Variants in ADAMTS17 observed in about 807,000 individuals in gnomAD.
ADAMTS17 encodes A disintegrin and metalloproteinase with thrombospondin motifs 17.
ADAMTS17 carries 113 observed loss-of-function variants against 141.5 expected under a neutral mutation model. The ratio of observed to expected loss-of-function variants is 0.80; its 90% CI spans 0.69 to 0.93. ADAMTS17 has a LOEUF of 0.93. ADAMTS17 is among the 40% of genes least tolerant of loss of function. ADAMTS17 has a pLI of 0.00. For synonymous variants in ADAMTS17, 768 were observed against 630.6 expected, an observed-to-expected ratio of 1.22 and a Z score of -3.27; for missense variants, 1,659 against 1,517.9, an observed-to-expected ratio of 1.09 and a Z score of -1.54.
At chr15:99,994,030 C>T (rs570547332) in intron 19 of ADAMTS17, among the ~76,000 whole-genome samples, 8 of 152,214 alleles carry the variant, frequency 5.3e-5, no homozygotes, top group East Asian at 1.9e-4. Flanking sequence ...GCTCCTGACA[C>T]GCCCACCACA....
At chr15:99,983,564 C>T (rs573245615) in intron 20 of ADAMTS17, among the ~76,000 whole-genome samples, 13 of 152,264 alleles carry the variant, frequency 8.5e-5, no homozygotes, top group African/African-American at 1.4e-4. Context: ...TGAGAATTAG[C>T]GAGAGGAGGC....
rs542496929 is a variant in ADAMTS17, at chr15:100,321,351, A to T, written c.616+9538T>A. 3.5e-4 allele frequency among the ~76,000 whole-genome samples: 54 copies of T among 152,330 alleles called. No individual in the cohort carries two copies. The South Asian group carries it at 0.011, about 30-fold the overall frequency. ...TAAACAGATAAAATAAATAAAATGA[A>T]TTCTAGCAATACTAGAAACATGAAA... On this transcript the variant is annotated intron_variant, in intron 3 of 21. Transcript: ENST00000268070.
intron 18 of ADAMTS17, among the ~76,000 whole-genome samples, chr15:100,033,713 A>C (rs925145262): frequency 2.6e-5 from 4 of 152,218 alleles, no homozygotes; most frequent in African/African-American, 9.6e-5. Context: ...TTTGGAGTGG[A>C]TACAGGAGCT....
chr15:100,042,151 G>C (rs934406935), intron 18 of ADAMTS17, among the ~76,000 whole-genome samples: 7 of 152,114 alleles, frequency 4.6e-5, no homozygotes, highest in African/African-American at 1.4e-4. Flanking sequence ...GTTTTTACTT[G>C]TGTGTCCAAT....
intron 7 of ADAMTS17, among the ~76,000 whole-genome samples, chr15:100,218,599 G>A (rs946892893): frequency 7.9e-5 from 12 of 152,154 alleles, no homozygotes; most frequent in African/African-American, 2.9e-4. Context: ...AGAGAAAACA[G>A]AATCTTCCTA....
In ADAMTS17 at chr15:100,096,452, C is replaced by G; in HGVS notation, c.2041G>C (p.Gly681Arg). The change falls in exon 15 of 22, where the codon GGG becomes CGG. Residue 681 changes from glycine to arginine, a missense_variant. Coordinates refer to ENST00000268070, the MANE Select transcript of ADAMTS17 (RefSeq NM_139057.4). ...CQKIGCDGII[G>R]SAAKEDRCGV... ...CATCTGTCCTCTTTGGCTGCAGACCCGATGATGCCGTCACAGCCGATTTTC... is the reference window on the plus strand; with the variant it reads ...CATCTGTCCTCTTTGGCTGCAGACCGGATGATGCCGTCACAGCCGATTTTC... 6.2e-7 allele frequency: 1 copy of G among 1,614,096 alleles called. No individual in the cohort carries two copies. The highest frequency in any genetic ancestry group is 8.5e-7 in the Non-Finnish European group (1 of 1,180,032).
chr15:100,239,847 G>A (rs937077657), intron 7 of ADAMTS17, among the ~76,000 whole-genome samples: 1 of 152,158 alleles, frequency 6.6e-6, no homozygotes, highest in Non-Finnish European at 1.5e-5. Context: ...CTGGAGTGGA[G>A]GGATGGTGAG....
At chr15:100,010,093 A>G (rs1413470607) in intron 18 of ADAMTS17, among the ~76,000 whole-genome samples, 2 of 152,230 alleles carry the variant, frequency 1.3e-5, no homozygotes, top group Non-Finnish European at 2.9e-5. Flanking sequence ...TCCCCGGCAC[A>G]TGCCTTCTTG....
At chr15:100,092,945 G>A (rs2035556898) in intron 15 of ADAMTS17, among the ~76,000 whole-genome samples, 1 of 152,128 alleles carries the variant, frequency 6.6e-6, no homozygotes, top group Non-Finnish European at 1.5e-5. Flanking sequence ...TTGTTAAAAT[G>A]GCAATTTAAT....
intron 8 of ADAMTS17, among the ~76,000 whole-genome samples, chr15:100,188,042 C>T (rs1002536863): frequency 7.2e-5 from 11 of 152,048 alleles, no homozygotes; most frequent in African/African-American, 2.7e-4. Flanking sequence ...TGCGATCACA[C>T]CACTGCATTC....
At chr15:100,271,354 A>C (rs2043903935) in intron 4 of ADAMTS17, among the ~76,000 whole-genome samples, 1 of 152,142 alleles carries the variant, frequency 6.6e-6, no homozygotes, top group Non-Finnish European at 1.5e-5. Context: ...TAATGTACAA[A>C]ATTTCCCATT....
At chr15:100,268,030 T>C (rs942199625) in intron 4 of ADAMTS17, among the ~76,000 whole-genome samples, 2 of 152,238 alleles carry the variant, frequency 1.3e-5, no homozygotes, top group African/African-American at 2.4e-5. Flanking sequence ...AGCTCCCACT[T>C]ATGAGTGAGA....
At chr15:100,059,384 T>C (rs1195183675) in intron 15 of ADAMTS17, among the ~76,000 whole-genome samples, 2 of 152,238 alleles carry the variant, frequency 1.3e-5, no homozygotes, top group Non-Finnish European at 2.9e-5. Context: ...AGCCACGCAT[T>C]TGTGTATCTC....
At chr15:100,061,103 C>T (rs917915863) in intron 15 of ADAMTS17, among the ~76,000 whole-genome samples, 5 of 152,200 alleles carry the variant, frequency 3.3e-5, no homozygotes, top group Non-Finnish European at 7.3e-5. Flanking sequence ...GACGTTAAAC[C>T]AATCTCCGTG....
At chr15:100,258,491 T>C (rs1413427622) in intron 6 of ADAMTS17, among the ~76,000 whole-genome samples, 3 of 152,234 alleles carry the variant, frequency 2.0e-5, no homozygotes, top group Non-Finnish European at 4.4e-5. Context: ...TAGTTCCACA[T>C]GGCTGGGGAG....
intron 8 of ADAMTS17, among the ~76,000 whole-genome samples, chr15:100,181,778 G>A (rs1336745455): frequency 6.6e-6 from 1 of 152,226 alleles, no homozygotes; most frequent in Non-Finnish European, 1.5e-5. Context: ...GCATAGCCTG[G>A]GGTTGGGAGA....
At chr15:100,014,473 C>T (rs1274176236) in intron 18 of ADAMTS17, among the ~76,000 whole-genome samples, 2 of 152,210 alleles carry the variant, frequency 1.3e-5, no homozygotes, top group East Asian at 3.9e-4. Context: ...TGTGCTCTTT[C>T]AGTCTTTCTG....
intron 15 of ADAMTS17, among the ~76,000 whole-genome samples, chr15:100,091,456 T>C (rs761493118): frequency 2.0e-5 from 3 of 152,198 alleles, no homozygotes; most frequent in Admixed American, 6.5e-5. Context: ...TCCAATGCCT[T>C]TGCCGTGGTT....
chr15:100,255,617 A>AACACACACACAC (rs10529356), intron 6 of ADAMTS17, among the ~76,000 whole-genome samples: 7,967 of 140,180 alleles, frequency 0.057, 597 homozygotes, highest in East Asian at 0.37. Flanking sequence ...TGTTTTGAGC[A>AACACACACACAC]ACACACACAC....
Sources: allele counts gnomAD v4.1 joint callset (sites outside exome capture counted in the v4.1 genomes callset), GRCh38; gene constraint gnomAD v4.1.1; transcripts MANE v1.5; gene names NCBI Gene and HGNC (gene_info 2026-07-23, HGNC 2026-07-21).